ATG9A: variants seen among roughly 807,000 people sequenced by gnomAD.
ATG9A encodes the protein autophagy-related protein 9A.
In ATG9A, 21 loss-of-function variants were observed where a neutral mutation model predicts 87.1. The observed-to-expected ratio is 0.24, with a 90% confidence interval of 0.17 to 0.35. The LOEUF (loss-of-function observed/expected upper bound fraction) is 0.35, where lower values mean the gene tolerates loss of function less well. Among genes scored for constraint, ATG9A ranks in the 10% least tolerant of loss-of-function variants. The pLI, the probability that ATG9A is intolerant of heterozygous loss-of-function variation, is 1.00. For missense variants in ATG9A, 836 were observed against 1,107.3 expected (o/e 0.76, Z 3.48); for synonymous variants, 422 against 441.3 (o/e 0.96, Z 0.55).
In ATG9A at chr2:219,222,285, T is replaced by C. The variant is rs1436950007; in HGVS notation, c.2014A>G (p.Met672Val). 5 of 1,613,474 alleles carry C rather than the reference T, an allele frequency of 3.1e-6. No homozygotes were observed. Among genetic ancestry groups the C allele is most frequent in the Non-Finnish European group, 3.4e-6 (4 of 1,180,030 alleles). The change falls in exon 12 of 16, where the codon ATG becomes GTG. Residue 672 changes from methionine (M) to valine (V), a missense_variant. This residue lies in a region of ATG9A where 324 missense variants were observed against 347.6 expected (regional missense o/e 0.93). Coordinates refer to ENST00000361242, the MANE Select transcript of ATG9A (RefSeq NM_001077198.3). The surrounding 1 kb of genome is among the most constrained non-coding windows in gnomAD (Gnocchi z 4.3). ...CGATTTACTCACCCAGAGCCTGTCA[T>C]GGTGCTGTGAGCCCGGCCTGTGGGC... is the stretch of plus-strand genomic sequence containing the variant. Reference protein sequence around the residue: ...QAPTGRAHSTMTGSGVDARTA... With the variant: ...QAPTGRAHSTVTGSGVDARTA...
intron 2 of ATG9A, 127 bp from the exon 3 acceptor site, chr2:219,228,180 G>A (rs1950906607): frequency 1.6e-6 from 1 of 641,156 alleles, no homozygotes; most frequent in East Asian, 2.8e-5. Flanking sequence ...TGGCTCAGAG[G>A]CAGAGGAGTA....
Position 219,224,610 on chromosome 2 carries a change from A to G in ATG9A, c.761T>C (p.Ile254Thr). ...CAGAGAGCCAGGTCCCCAGAAGAGG[A>G]TCAGCTCAAAGTTGTACTTGAGACC... ...TRGLKYNFELILFWGPGSLFL... is the reference protein window; with the variant it reads ...TRGLKYNFELTLFWGPGSLFL... The change falls in exon 8 of 16, where the codon ATC becomes ACC. Residue 254 changes from isoleucine to threonine, a missense_variant. By Grantham distance (89) the Ile-to-Thr change is moderately conservative. Around this residue, in one of 2 missense-constraint regions of ATG9A, gnomAD observed 512 missense variants for 759.6 expected, o/e 0.67. Transcript: ENST00000361242. This position sits in a 1 kb window ranked among gnomAD's most constrained non-coding sequence, Gnocchi z 7.7. The G allele has an allele frequency of 6.2e-7, 1 of 1,614,190 alleles. No individual in the cohort carries two copies. Among genetic ancestry groups the G allele is most frequent in the Non-Finnish European group, 8.5e-7 (1 of 1,180,028 alleles).
At chr2:219,220,914 A>G (rs1273723200) in intron 14 of ATG9A, 22 bp from the exon 15 acceptor site, 1 of 1,612,468 alleles carries the variant, frequency 6.2e-7, no homozygotes, top group South Asian at 1.1e-5. Context: ...AGTAAGAGTA[A>G]GCATACTCAT....
Position 219,224,396 on chromosome 2 carries a change from C to A in ATG9A, c.975G>T (p.Gly325=), listed in dbSNP as rs374338738. Residue 325 remains glycine, a synonymous_variant, in exon 8 of 16, where the codon GGG becomes GGT. Coordinates refer to ENST00000361242, the MANE Select transcript of ATG9A (RefSeq NM_001077198.3). The surrounding 1 kb of genome is among the most constrained non-coding windows in gnomAD (Gnocchi z 7.7). ...SYAEVLKREP[G]ALGARCWSLY... ...GTGACCAGCAGCGTGCTCCCAGGGC[C>A]CCCGGCTCCCGCTTCAGCACCTCAG... 1 of 1,613,866 alleles carries A rather than the reference C, an allele frequency of 6.2e-7. No individual in the cohort carries two copies. Among genetic ancestry groups the A allele is most frequent in the Non-Finnish European group, 8.5e-7 (1 of 1,180,048 alleles).
chr2:219,222,809 T>C lies in ATG9A; in HGVS notation c.1684A>G (p.Ile562Val). ...GGTGGCTGCCAGCCAGGGTTGGTGA[T>C]GGCAAAGTGCATGAGTGACAACTCT... ...KTELSLMHFAITNPGWQPPRE... is the reference protein window; with the variant it reads ...KTELSLMHFAVTNPGWQPPRE... The change falls in exon 11 of 16, where the codon ATC becomes GTC. Residue 562 changes from isoleucine (I) to valine (V), a missense_variant. Ile to Val is a conservative substitution (Grantham distance 29, BLOSUM62 3). Around this residue, in one of 2 missense-constraint regions of ATG9A, gnomAD observed 512 missense variants for 759.6 expected, o/e 0.67. Coordinates refer to ENST00000361242, the MANE Select transcript of ATG9A (RefSeq NM_001077198.3). This position sits in a 1 kb window ranked among gnomAD's most constrained non-coding sequence, Gnocchi z 4.3. 2.5e-6 allele frequency: 4 copies of C among 1,614,232 alleles called. No individual in the cohort carries two copies. Among genetic ancestry groups the C allele is most frequent in the Non-Finnish European group, 2.5e-6 (3 of 1,180,044 alleles).
rs1389379552 is a variant in ATG9A, at chr2:219,223,642, A to T, written c.1542T>A (p.Gly514=). 6.2e-7 allele frequency: 1 copy of T among 1,613,760 alleles called. No individual in the cohort carries two copies. The highest frequency in any genetic ancestry group is 1.7e-5 in the Admixed American group (1 of 60,000). Reference sequence around the variant, plus strand: ...GAGCAAAGGAGCAGGTATCTCCCACACCAACGACCTCCACGGTGAAGTTTC... The same window carrying T: ...GAGCAAAGGAGCAGGTATCTCCCACTCCAACGACCTCCACGGTGAAGTTTC... The part of the protein sequence containing the change: ...FFRNFTVEVV[G]VGDTCSFAQM... The change falls in exon 10 of 16, where the codon GGT becomes GGA. Residue 514 remains glycine, a synonymous_variant. Transcript: ENST00000361242. This position sits in a 1 kb window ranked among gnomAD's most constrained non-coding sequence, Gnocchi z 4.7.
rs746660377 is a variant in ATG9A, at chr2:219,224,476, G to A, written c.895C>T (p.Leu299=). 56 of 1,613,992 alleles carry A rather than the reference G, an allele frequency of 3.5e-5. No homozygotes were observed. Among genetic ancestry groups the A allele is most frequent in the Non-Finnish European group, 4.3e-5 (51 of 1,180,000 alleles). The change falls in exon 8 of 16, where the codon CTG becomes TTG. Residue 299 remains leucine (L), a synonymous_variant. Transcript: ENST00000361242. The surrounding 1 kb of genome is among the most constrained non-coding windows in gnomAD (Gnocchi z 7.7). ...CATATGAGGATGAGGGGGCACAGCAGGAAGTTAGCGATGCCAATCCACAGG... is the reference window on the plus strand; with the variant it reads ...CATATGAGGATGAGGGGGCACAGCAAGAAGTTAGCGATGCCAATCCACAGG... ...RILWIGIANF[L]LCPLILIWQI... is the part of the protein sequence containing the mutation.
In ATG9A at chr2:219,221,214, T is replaced by C. The variant is rs753993322; in HGVS notation, c.2234A>G (p.Glu745Gly). The C allele has an allele frequency of 1.3e-5, 20 of 1,589,792 alleles. No homozygotes were observed. The highest frequency in any genetic ancestry group is 1.5e-5 in the Non-Finnish European group (18 of 1,168,426). Residue 745 changes from glutamate to glycine, a missense_variant, in exon 14 of 16, where the codon GAA becomes GGA. Glu to Gly is a moderately conservative substitution (Grantham distance 98). Transcript: ENST00000361242. ...SDESGESAPD[E>G]GGEGARAPQS... is the part of the protein sequence containing the mutation. ...GGGGGCCCGGGCGCCCTCTCCCCCT[T>C]CATCAGGGGCGCTTTCTCCACTCTC...
In ATG9A at chr2:219,224,101, C is replaced by G; in HGVS notation, c.1265+5G>C. 1 of 1,611,098 alleles carries G rather than the reference C, an allele frequency of 6.2e-7. No individual in the cohort carries two copies. The highest frequency in any genetic ancestry group is 8.5e-7 in the Non-Finnish European group (1 of 1,178,012). On this transcript the variant is annotated splice_donor_5th_base_variant and intron_variant, in intron 8 of 15. Coordinates refer to ENST00000361242, the MANE Select transcript of ATG9A (RefSeq NM_001077198.3). This position sits in a 1 kb window ranked among gnomAD's most constrained non-coding sequence, Gnocchi z 7.7. ...GGCTTGCTCCCGCCTGTGGCCCTGG[C>G]CCACCTGCACACGGTCACGGTGACC...
Position 219,223,509 on chromosome 2 carries a change from C to A in ATG9A, c.1599+76G>T. The A allele has an allele frequency of 1.4e-6, 2 of 1,481,392 alleles. No individual in the cohort carries two copies. The highest frequency in any genetic ancestry group is 2.3e-5 in the East Asian group (1 of 43,644). 91.8% of individuals were successfully genotyped at this position (1,481,392 alleles called of 1,614,324 possible). On this transcript the variant is annotated intron_variant, in intron 10 of 15. Transcript: ENST00000361242. The surrounding 1 kb of genome is among the most constrained non-coding windows in gnomAD (Gnocchi z 4.7). ...CCTTTGTGTGACTCAGGAGAGGTGT[C>A]TTTTTGCGGTTTTCCCAAAGACACT...
At chr2:219,225,035 A>G in intron 7 of ATG9A, 36 bp downstream of exon 7, 1 of 1,613,088 alleles carries the variant, frequency 6.2e-7, no homozygotes, top group South Asian at 1.1e-5. Context: ...AATACGTCTT[A>G]GACTATGGGC....
chr2:219,224,222 G>A lies in ATG9A; in HGVS notation c.1149C>T (p.Phe383=), dbSNP rs756437040. ...TAAGCACAGCCAGGATGGAGCCAGC[G>A]AAGAAGGCTCCATTCTTGGCCAGCA... ...LTLLAKNGAF[F]AGSILAVLIA... Residue 383 remains phenylalanine (F), a synonymous_variant, in exon 8 of 16, where the codon TTC becomes TTT. Transcript: ENST00000361242. This position sits in a 1 kb window ranked among gnomAD's most constrained non-coding sequence, Gnocchi z 7.7. The A allele has an allele frequency of 3.1e-6, 5 of 1,613,912 alleles. No homozygotes were observed. The highest frequency in any genetic ancestry group is 2.2e-5 in the East Asian group (1 of 44,882).
In ATG9A at chr2:219,225,179, C is replaced by G; in HGVS notation, c.408G>C (p.Leu136=). The G allele has an allele frequency of 6.2e-7, 1 of 1,614,160 alleles. No homozygotes were observed. Among genetic ancestry groups the G allele is most frequent in the Non-Finnish European group, 8.5e-7 (1 of 1,180,034 alleles). Residue 136 remains leucine, a synonymous_variant, in exon 7 of 16, where the codon CTG becomes CTC. Transcript: ENST00000361242. ...GGATCCAGAAGACACCAGCAATGAC[C>G]AGGATGGTGATAAGGGAGCCATTTT... ...IQENGSLITI[L]VIAGVFWIHR... is the part of the protein sequence containing the mutation.
chr2:219,224,413 G>A lies in ATG9A; in HGVS notation c.958C>T (p.Leu320=), dbSNP rs1950822312. Residue 320 remains leucine, a synonymous_variant, in exon 8 of 16, where the codon CTG becomes TTG. Coordinates refer to ENST00000361242, the MANE Select transcript of ATG9A (RefSeq NM_001077198.3). This position sits in a 1 kb window ranked among gnomAD's most constrained non-coding sequence, Gnocchi z 7.7. ...LYAFFSYAEV[L]KREPGALGAR... is the part of the protein sequence containing the mutation. ...CCCAGGGCCCCCGGCTCCCGCTTCA[G>A]CACCTCAGCATAGCTGAAGAAGGCA... 6.2e-7 allele frequency: 1 copy of A among 1,614,086 alleles called. No homozygotes were observed. Among genetic ancestry groups the A allele is most frequent in the Non-Finnish European group, 8.5e-7 (1 of 1,180,042 alleles).
In ATG9A at chr2:219,223,304, G is replaced by A. The variant is rs1950801101; in HGVS notation, c.1599+281C>T. On this transcript the variant is annotated intron_variant, in intron 10 of 15. Transcript: ENST00000361242. This position sits in a 1 kb window ranked among gnomAD's most constrained non-coding sequence, Gnocchi z 4.7. ...GGGGTTTCACCGTGTTAGCCAGGAT[G>A]GTCTCGATCTCCTGACCTCGTGATC... 1.3e-5 allele frequency among the ~76,000 whole-genome samples: 2 copies of A among 152,100 alleles called. No individual in the cohort carries two copies. Among genetic ancestry groups the A allele is most frequent in the Admixed American group, 1.3e-4 (2 of 15,268 alleles).
intron 4 of ATG9A, 47 bp downstream of exon 4, chr2:219,227,723 G>A (rs2106446434): frequency 6.2e-7 from 1 of 1,601,604 alleles, no homozygotes; most frequent in Non-Finnish European, 8.6e-7. Flanking sequence ...CCGGCTTAGA[G>A]AGACATTAAA....
At position 219,229,547 on chromosome 2, in the gene ATG9A, G is replaced by A. The variant is rs890801268; in HGVS notation, c.-94C>T. Reference sequence around the variant, plus strand: ...TCTCACGTCTTACCTCAGGAACAGCGACCCGGGTGATTCCAGAGGCTCCGC... The same window carrying A: ...TCTCACGTCTTACCTCAGGAACAGCAACCCGGGTGATTCCAGAGGCTCCGC... On this transcript the variant is annotated 5_prime_UTR_variant, in exon 1 of 16. Transcript: ENST00000361242. This position sits in a 1 kb window ranked among gnomAD's most constrained non-coding sequence, Gnocchi z 4.2. 5 of 152,668 alleles carry A rather than the reference G, an allele frequency of 3.3e-5. No homozygotes were observed. Among genetic ancestry groups the A allele is most frequent in the Admixed American group, 3.3e-4 (5 of 15,284 alleles). The allele number at this position is 152,668 out of a possible 1,614,324, so 9.5% of individuals were successfully genotyped here. A position where few individuals can be genotyped will look rare whatever the true frequency, so the allele number is the denominator to read the frequency against.
chr2:219,228,571 G>A (rs186546907), intron 1 of ATG9A, 86 bp from the exon 2 acceptor site: 2 of 152,998 alleles, frequency 1.3e-5, no homozygotes, highest in East Asian at 1.9e-4. Flanking sequence ...ACCCCACCAA[G>A]AGGAGGCCAA....
chr2:219,221,764 C>T (rs932654927), intron 13 of ATG9A, among the ~76,000 whole-genome samples: 2 of 152,086 alleles, frequency 1.3e-5, no homozygotes, highest in African/African-American at 4.8e-5. Flanking sequence ...GCAAGGGAGC[C>T]TTTTACTGAG....
Sources: gnomAD v4.1 joint callset for allele counts (sites outside exome capture counted in the v4.1 genomes callset) on GRCh38, gnomAD v4.1.1 for gene constraint, gnomAD v4.1.1 regional missense constraint, Gnocchi (gnomAD v3.1) non-coding constraint, MANE v1.5 for transcripts, NCBI Gene and HGNC (gene_info 2026-07-23, HGNC 2026-07-21) for gene names.